Variants in DAB1 observed in about 807,000 individuals in gnomAD.
DAB1 encodes DAB adaptor protein 1, also known as disabled homolog 1.
In DAB1, 15 loss-of-function variants were observed where a neutral mutation model predicts 64.6. The ratio of observed to expected loss-of-function variants is 0.23; its 90% CI spans 0.16 to 0.36. The LOEUF is 0.36. Ranked by LOEUF, DAB1 falls within the 10% of genes least tolerant of loss-of-function variation. DAB1 has a pLI of 1.00. For missense variants in DAB1, 596 were observed against 706.7 expected (o/e 0.84, Z 1.78); for synonymous variants, 235 against 251.9 (o/e 0.93, Z 0.64).
At chr1:57,423,649 G>C (rs2101098307) in intron 1 of DAB1, among the ~76,000 whole-genome samples, 1 of 152,168 alleles carries the variant, frequency 6.6e-6, no homozygotes, top group African/African-American at 2.4e-5. Flanking sequence ...ACAGGATCGC[G>C]CGTGGTCGGA....
intron 5 of DAB1, among the ~76,000 whole-genome samples, chr1:58,138,032 T>C (rs752392293): frequency 6.6e-6 from 1 of 152,196 alleles, no homozygotes; most frequent in Non-Finnish European, 1.5e-5. Context: ...CTCATAAACA[T>C]AATATTATGA....
intron 2 of DAB1, among the ~76,000 whole-genome samples, chr1:57,246,530 A>G (rs1429353182): frequency 6.6e-6 from 1 of 152,222 alleles, no homozygotes; most frequent in Non-Finnish European, 1.5e-5. Flanking sequence ...GATCTCATGA[A>G]GAACCTAGTG....
At chr1:57,452,562 C>A (rs1252936991) in intron 7 of DAB1, among the ~76,000 whole-genome samples, 4 of 151,990 alleles carry the variant, frequency 2.6e-5, no homozygotes, top group African/African-American at 9.7e-5. Context: ...GATAGAACTG[C>A]CACCAGGATG....
chr1:58,451,313 G>A (rs1407431200), intron 3 of DAB1, among the ~76,000 whole-genome samples: 2 of 152,092 alleles, frequency 1.3e-5, no homozygotes, highest in African/African-American at 2.4e-5. Context: ...GGCTGATCTC[G>A]ACCTCCTGGG....
At chr1:57,777,501 A>C (rs3118063) in intron 6 of DAB1, among the ~76,000 whole-genome samples, 88,670 of 151,566 alleles carry the variant, frequency 0.59, 26,092 homozygotes, top group East Asian at 0.65. Context: ...TATTTTGGAT[A>C]ATTTTTATTG....
At chr1:58,057,623 G>A (rs1648215139) in intron 5 of DAB1, among the ~76,000 whole-genome samples, 1 of 152,220 alleles carries the variant, frequency 6.6e-6, no homozygotes, top group Admixed American at 6.5e-5. Context: ...CTAGAAGATA[G>A]AGAGAGGCAA....
intron 6 of DAB1, among the ~76,000 whole-genome samples, chr1:57,810,695 C>T (rs1651578675): frequency 6.6e-6 from 1 of 152,170 alleles, no homozygotes; most frequent in African/African-American, 2.4e-5. Context: ...TATGTTACCT[C>T]ACTTTGCATC....
intron 5 of DAB1, among the ~76,000 whole-genome samples, chr1:58,144,519 AC>A (rs1654481554): frequency 2.0e-5 from 3 of 152,354 alleles, no homozygotes; most frequent in Non-Finnish European, 4.4e-5. Context: ...TGTGCCAAGC[AC>A]CTTACATGGA....
intron 6 of DAB1, among the ~76,000 whole-genome samples, chr1:57,669,365 A>G (rs909824467): frequency 6.6e-6 from 1 of 152,182 alleles, no homozygotes; most frequent in African/African-American, 2.4e-5. Context: ...ATAAGAATGT[A>G]TACATTCAGG....
chr1:58,245,605 T>C (rs1660492868), intron 4 of DAB1, among the ~76,000 whole-genome samples: 1 of 151,970 alleles, frequency 6.6e-6, no homozygotes, highest in Non-Finnish European at 1.5e-5. Context: ...ATGAAGGAGA[T>C]CTGGGTTTGA....
chr1:57,965,484 A>T (rs997381556), intron 5 of DAB1, among the ~76,000 whole-genome samples: 1 of 152,108 alleles, frequency 6.6e-6, no homozygotes, highest in African/African-American at 2.4e-5. Flanking sequence ...GGTGGTGAGG[A>T]TACATTAAAT....
chr1:57,684,109 T>C (rs779814981), intron 6 of DAB1, among the ~76,000 whole-genome samples: 30 of 151,788 alleles, frequency 2.0e-4, no homozygotes, highest in Non-Finnish European at 3.7e-4. Context: ...CTTCAAGAAA[T>C]GTGGCATTAT....
In DAB1 at chr1:57,788,656, A is replaced by AC. The variant is rs559694473; in HGVS notation, n.551+95342dup. ...CAGGATGGACTCTAGAGTCAGGCAG[A>AC]CCCAGTTTGGACGCCAGCTCTGTTA... On this transcript the variant is annotated intron_variant and non_coding_transcript_variant, in intron 6 of 20. Coordinates refer to the DAB1 transcript ENST00000485760. Among the ~76,000 whole-genome samples, 7 of 152,258 alleles carry AC rather than the reference A, an allele frequency of 4.6e-5. No individual in the cohort carries two copies. The South Asian group carries it at 1.5e-3, about 32-fold the overall frequency.
intron 3 of DAB1, among the ~76,000 whole-genome samples, chr1:58,439,655 CAAGT>C (rs1644985935): frequency 6.6e-6 from 1 of 152,176 alleles, no homozygotes; most frequent in Non-Finnish European, 1.5e-5. Flanking sequence ...GCCCATTTTA[CAAGT>C]AAGACAAATG....
chr1:57,150,976 G>C (rs1659613236), intron 2 of DAB1, among the ~76,000 whole-genome samples: 1 of 152,064 alleles, frequency 6.6e-6, no homozygotes, highest in African/African-American at 2.4e-5. Context: ...GGCAGCATAA[G>C]AAAACCCTGT....
chr1:57,031,195 C>A (rs1034683117), intron 9 of DAB1, among the ~76,000 whole-genome samples: 1 of 152,088 alleles, frequency 6.6e-6, no homozygotes, highest in Admixed American at 6.5e-5. Context: ...TTAAATAGAA[C>A]CTTGAGTTAA....
intron 6 of DAB1, among the ~76,000 whole-genome samples, chr1:57,794,348 G>T (rs1422807592): frequency 6.6e-6 from 1 of 152,198 alleles, no homozygotes; most frequent in Non-Finnish European, 1.5e-5. Flanking sequence ...TGGTTTCTGT[G>T]TATCTCTCTA....
At chr1:58,109,066 G>A (rs1471104234) in intron 5 of DAB1, among the ~76,000 whole-genome samples, 1 of 152,178 alleles carries the variant, frequency 6.6e-6, no homozygotes, top group African/African-American at 2.4e-5. Flanking sequence ...TTCCTTAAAT[G>A]TTATTAAAAA....
At chr1:58,496,746 T>G (rs1043569663) in intron 3 of DAB1, among the ~76,000 whole-genome samples, 1 of 152,228 alleles carries the variant, frequency 6.6e-6, no homozygotes, top group African/African-American at 2.4e-5. Flanking sequence ...ACCTACCTCT[T>G]AAGTCTATTC....
Sources: allele counts gnomAD v4.1 joint callset (sites outside exome capture counted in the v4.1 genomes callset), GRCh38; gene constraint gnomAD v4.1.1; transcripts MANE v1.5; gene names NCBI Gene and HGNC (gene_info 2026-07-23, HGNC 2026-07-21).